BCL2: variants seen among roughly 807,000 people sequenced by gnomAD.
BCL2 encodes the protein BCL2 apoptosis regulator, also known as apoptosis regulator Bcl-2.
In BCL2, 1 loss-of-function variant was observed where a neutral mutation model predicts 14.2. That is an observed-to-expected ratio of 0.07 (90% CI 0.02 to 0.33). The LOEUF is 0.33. BCL2 is among the 10% of genes least tolerant of loss of function. The pLI, the probability that BCL2 is intolerant of heterozygous loss-of-function variation, is 0.99. For missense variants in BCL2, 247 were observed against 305.9 expected, an observed-to-expected ratio of 0.81 and a Z score of 1.44; for synonymous variants, 151 against 137.2, an observed-to-expected ratio of 1.10 and a Z score of -0.70.
chr18:63,183,851 G>C (rs1276897785), intron 2 of BCL2, among the ~76,000 whole-genome samples: 1 of 152,110 alleles, frequency 6.6e-6, no homozygotes, highest in Non-Finnish European at 1.5e-5. Flanking sequence ...ACATTAAACA[G>C]TGCAATTTAT....
chr18:63,250,470 A>T (rs1475716767), intron 2 of BCL2, among the ~76,000 whole-genome samples: 2 of 152,196 alleles, frequency 1.3e-5, no homozygotes, highest in Non-Finnish European at 2.9e-5. Flanking sequence ...TTTTTCATGA[A>T]ATCTACAATG....
intron 2 of BCL2, among the ~76,000 whole-genome samples, chr18:63,278,179 A>C (rs1912210917): frequency 6.6e-6 from 1 of 152,244 alleles, no homozygotes; most frequent in Non-Finnish European, 1.5e-5. Context: ...TCAGGAAGAA[A>C]TACTATTCAA....
Position 63,156,907 on chromosome 18 carries a change from C to T in BCL2, c.586-28148G>A, listed in dbSNP as rs4987810. 8.8e-3 allele frequency among the ~76,000 whole-genome samples: 1,347 copies of T among 152,244 alleles called. 18 individuals carry two copies. Among genetic ancestry groups the T allele is most frequent in the African/African-American group, 0.031 (1,282 of 41,536 alleles). On this transcript the variant is annotated intron_variant, in intron 2 of 2. Coordinates refer to ENST00000333681, the MANE Select transcript of BCL2 (RefSeq NM_000633.3). ...AGTAAACCTTGGAGAATTTGCCCTC[C>T]GTTTTCTTCCCTCGCTTTCTTCTCC...
intron 2 of BCL2, among the ~76,000 whole-genome samples, chr18:63,190,785 G>C (rs967260002): frequency 3.3e-5 from 5 of 152,084 alleles, no homozygotes; most frequent in Middle Eastern, 3.4e-3. Flanking sequence ...GTGGTTTGCT[G>C]CACCTATCAA....
At chr18:63,178,615 G>A (rs776899834) in intron 2 of BCL2, among the ~76,000 whole-genome samples, 7 of 152,156 alleles carry the variant, frequency 4.6e-5, no homozygotes, top group East Asian at 1.9e-4. Context: ...CCAAACAGCT[G>A]CAGTTCACCT....
chr18:63,297,430 C>T (rs1440232488), intron 2 of BCL2, among the ~76,000 whole-genome samples: 2 of 152,132 alleles, frequency 1.3e-5, no homozygotes, highest in African/African-American at 4.8e-5. Context: ...ACACTCCAAT[C>T]GCATCTCAAT....
intron 2 of BCL2, among the ~76,000 whole-genome samples, chr18:63,193,612 A>G (rs538283371): frequency 2.2e-4 from 28 of 126,716 alleles, no homozygotes; most frequent in East Asian, 9.8e-4. Context: ...GTGTGTGTGT[A>G]TACACACACA....
chr18:63,166,310 C>T lies in BCL2; in HGVS notation c.586-37551G>A, dbSNP rs995549304. Reference sequence around the variant, plus strand: ...CAACCTTGGAATGGGCCTTGGAAGACGAGAGGATTTGGACTGGGGGATGTA... The same window carrying T: ...CAACCTTGGAATGGGCCTTGGAAGATGAGAGGATTTGGACTGGGGGATGTA... On this transcript the variant is annotated intron_variant, in intron 2 of 2. Transcript: ENST00000333681. Among the ~76,000 whole-genome samples, 9 of 152,272 alleles carry T rather than the reference C, an allele frequency of 5.9e-5. No individual in the cohort carries two copies. The East Asian group carries it at 7.7e-4, about 13-fold the overall frequency.
intron 2 of BCL2, chr18:63,302,680 CAA>C: frequency 1.0e-6 from 1 of 984,380 alleles, no homozygotes; most frequent in Non-Finnish European, 1.2e-6. Context: ...TTTCATAACA[CAA>C]GAGATATATA....
chr18:63,261,008 G>A (rs1238751317), intron 2 of BCL2, among the ~76,000 whole-genome samples: 3 of 152,134 alleles, frequency 2.0e-5, no homozygotes, highest in Admixed American at 2.0e-4. Flanking sequence ...AAGGTCCAGG[G>A]AAGGGCTCCA....
In BCL2 at chr18:63,251,209, G is replaced by A. The variant is rs888301216; in HGVS notation, c.585+66873C>T. On this transcript the variant is annotated intron_variant, in intron 2 of 2. Transcript: ENST00000333681. ...GGGGTGGTGGGGACACAAGCTGTGC[G>A]TTGATGAGGGGAGGCTCTGTATGGT... Among the ~76,000 whole-genome samples the A allele has an allele frequency of 2.0e-5, 3 of 152,142 alleles. No homozygotes were observed. The South Asian group carries it at 6.2e-4, about 32-fold the overall frequency.
intron 2 of BCL2, among the ~76,000 whole-genome samples, chr18:63,273,110 G>A (rs1014951283): frequency 1.3e-5 from 2 of 152,032 alleles, no homozygotes; most frequent in Non-Finnish European, 2.9e-5. Context: ...CATTTTCTAT[G>A]AAACAAGAGT....
At chr18:63,257,262 T>C (rs1911506309) in intron 2 of BCL2, among the ~76,000 whole-genome samples, 1 of 152,220 alleles carries the variant, frequency 6.6e-6, no homozygotes, top group Non-Finnish European at 1.5e-5. Context: ...TACTGTGTCA[T>C]GTGATCAAAC....
intron 2 of BCL2, among the ~76,000 whole-genome samples, chr18:63,144,886 G>A (rs972628383): frequency 4.6e-5 from 7 of 152,156 alleles, no homozygotes; most frequent in African/African-American, 9.7e-5. Context: ...CGCCCCCGCC[G>A]CCCTGGGCAC....
intron 2 of BCL2, among the ~76,000 whole-genome samples, chr18:63,267,151 G>C (rs1034533404): frequency 1.1e-4 from 16 of 152,200 alleles, no homozygotes; most frequent in African/African-American, 3.9e-4. Context: ...GGCCGAGGAA[G>C]TGAGAGCGTG....
intron 2 of BCL2, among the ~76,000 whole-genome samples, chr18:63,244,624 A>G (rs965730744): frequency 1.3e-5 from 2 of 152,162 alleles, no homozygotes; most frequent in Non-Finnish European, 2.9e-5. Context: ...GTATGTCTAG[A>G]ATAATCCAGG....
intron 2 of BCL2, chr18:63,315,912 T>C (rs1913483950): frequency 6.6e-6 from 1 of 152,550 alleles, no homozygotes; most frequent in African/African-American, 2.4e-5. Flanking sequence ...AGTCACCATC[T>C]ATGCATTGTT....
intron 2 of BCL2, among the ~76,000 whole-genome samples, chr18:63,292,193 C>G: frequency 7.8e-6 from 1 of 128,132 alleles, no homozygotes; most frequent in Non-Finnish European, 1.6e-5. Flanking sequence ...GGATTCATCA[C>G]AAACTCCTAG....
intron 2 of BCL2, among the ~76,000 whole-genome samples, chr18:63,214,350 A>T (rs1005075663): frequency 2.6e-5 from 4 of 152,252 alleles, no homozygotes; most frequent in African/African-American, 9.6e-5. Flanking sequence ...AGCTCGGAAG[A>T]TGGCCTGGAA....
Sources: gnomAD v4.1 joint callset for allele counts (sites outside exome capture counted in the v4.1 genomes callset) on GRCh38, gnomAD v4.1.1 for gene constraint, MANE v1.5 for transcripts, NCBI Gene and HGNC (gene_info 2026-07-23, HGNC 2026-07-21) for gene names.